The following ARAP2 variants were observed in gnomAD, a reference collection of about 807,000 sequenced individuals.
ARAP2 encodes ArfGAP with RhoGAP domain, ankyrin repeat and PH domain 2, also known as arf-GAP with Rho-GAP domain, ANK repeat and PH domain-containing protein 2.
In ARAP2, 148 loss-of-function variants were observed where a neutral mutation model predicts 194.5. The observed-to-expected ratio is 0.76, with a 90% CI of 0.67 to 0.87. The LOEUF is 0.87. ARAP2 is among the 40% of genes least tolerant of loss of function. The pLI is 0.00. For synonymous variants in ARAP2, 695 were observed against 683.5 expected (o/e 1.02, Z -0.26); for missense variants, 2,128 against 1,989.7 (o/e 1.07, Z -1.32).
intron 15 of ARAP2, among the ~76,000 whole-genome samples, chr4:36,155,113 A>C (rs1212403191): frequency 6.6e-6 from 1 of 152,224 alleles, no homozygotes; most frequent in Non-Finnish European, 1.5e-5. Context: ...CACTAGTAGT[A>C]ACTTCCCTAA....
intron 9 of ARAP2, among the ~76,000 whole-genome samples, chr4:36,012,254 C>T (rs1286236876): frequency 6.6e-6 from 1 of 152,124 alleles, no homozygotes; most frequent in South Asian, 2.1e-4. Context: ...GACTTTAAAA[C>T]ATTTTATTCT....
chr4:36,160,661 A>AAC lies in ARAP2; in HGVS notation c.2260-21_2260-20insGT. ...AAAAAGCTGAATTGTCAAAAAAAAA[A>AAC]CCCCATAATATATCAGTTCATAAAA... On this transcript the variant is annotated intron_variant, in intron 12 of 32. Coordinates refer to ENST00000303965, the MANE Select transcript of ARAP2 (RefSeq NM_015230.4). 6 of 1,431,134 alleles carry AAC rather than the reference A, an allele frequency of 4.2e-6. No homozygotes were observed. The highest frequency in any genetic ancestry group is 5.5e-6 in the Non-Finnish European group (6 of 1,094,646). 88.7% of individuals were successfully genotyped at this position (1,431,134 alleles called of 1,614,324 possible). A position where few individuals can be genotyped will look rare whatever the true frequency, so the allele number is the denominator to read the frequency against.
At chr4:36,017,927 T>A (rs1268343597) in intron 6 of ARAP2, among the ~76,000 whole-genome samples, 1 of 152,076 alleles carries the variant, frequency 6.6e-6, no homozygotes, top group African/African-American at 2.4e-5. Context: ...GAGGAAGAAA[T>A]AATAACAAAA....
chr4:36,240,599 C>G (rs150084166), intron 1 of ARAP2, among the ~76,000 whole-genome samples: 1 of 152,072 alleles, frequency 6.6e-6, no homozygotes, highest in Non-Finnish European at 1.5e-5. Flanking sequence ...GCCTACCTCA[C>G]GGGGATATTT....
At chr4:36,099,423 C>A (rs1476513133) in intron 27 of ARAP2, among the ~76,000 whole-genome samples, 1 of 152,026 alleles carries the variant, frequency 6.6e-6, no homozygotes, top group Non-Finnish European at 1.5e-5. Context: ...GACCTGACTA[C>A]AAGAAATCCA....
At chr4:36,223,984 T>C (rs578106254) in intron 2 of ARAP2, among the ~76,000 whole-genome samples, 2 of 151,944 alleles carry the variant, frequency 1.3e-5, no homozygotes, top group Non-Finnish European at 2.9e-5. Context: ...AGAACCTTAA[T>C]ATAAAAGAAG....
chr4:36,147,439 G>T, intron 18 of ARAP2, 80 bp from the exon 19 acceptor site: 2 of 1,565,704 alleles, frequency 1.3e-6, no homozygotes, highest in Non-Finnish European at 1.8e-6. Context: ...TATTAATACT[G>T]CTTAGTCATA....
rs139369384 is a variant in ARAP2, at chr4:36,101,900, C to T, written c.4285+5665G>A. 6.6e-5 allele frequency among the ~76,000 whole-genome samples: 10 copies of T among 151,996 alleles called. No individual in the cohort carries two copies. In the East Asian group the frequency reaches 1.9e-3, roughly 30 times the overall value. ...CACAATAACAATACGTGTCCAGGTG[C>T]CTTTCTTGGTTTCATGTATCATTTT... is the stretch of plus-strand genomic sequence containing the variant. On this transcript the variant is annotated intron_variant, in intron 27 of 32. Transcript: ENST00000303965.
intron 28 of ARAP2, among the ~76,000 whole-genome samples, chr4:36,085,062 CA>C (rs1253888163): frequency 6.6e-6 from 1 of 151,988 alleles, no homozygotes; most frequent in Non-Finnish European, 1.5e-5. Context: ...TAGCCATCGG[CA>C]GTTTTGATGC....
downstream of ARAP2, among the ~76,000 whole-genome samples, chr4:36,062,660 GTGTA>G (rs148809669): frequency 0.018 from 2,684 of 151,820 alleles, 32 homozygotes; most frequent in South Asian, 0.038. Flanking sequence ...GTGTGTGTGT[GTGTA>G]TAAAACAGTT....
At chr4:36,028,828 A>G (rs1008122591) in intron 5 of ARAP2, among the ~76,000 whole-genome samples, 4 of 151,588 alleles carry the variant, frequency 2.6e-5, no homozygotes, top group Admixed American at 2.0e-4. Flanking sequence ...TTTATTTACA[A>G]ATTTTATTTC....
intron 7 of ARAP2, among the ~76,000 whole-genome samples, chr4:36,189,702 TC>T (rs1486280907): frequency 6.6e-6 from 1 of 152,206 alleles, no homozygotes; most frequent in Non-Finnish European, 1.5e-5. Flanking sequence ...TAATATAATG[TC>T]CTCCAGCTCT....
intron 7 of ARAP2, among the ~76,000 whole-genome samples, chr4:36,191,580 A>G (rs950108273): frequency 1.3e-5 from 2 of 151,690 alleles, no homozygotes; most frequent in African/African-American, 2.4e-5. Context: ...GCTGATTTTT[A>G]TATTTGTCTT....
At chr4:36,177,386 A>G (rs1433276945) in intron 9 of ARAP2, among the ~76,000 whole-genome samples, 3 of 152,130 alleles carry the variant, frequency 2.0e-5, no homozygotes, top group Non-Finnish European at 2.9e-5. Context: ...CAGACCAATA[A>G]TATTCTGTAA....
At position 36,107,689 on chromosome 4, in the gene ARAP2, A is replaced by C. The variant is rs970898270; in HGVS notation, c.4161T>G (p.Arg1387=). 7 of 1,591,892 alleles carry C rather than the reference A, an allele frequency of 4.4e-6. No homozygotes were observed. In the Admixed American group the frequency reaches 7.2e-5, roughly 16 times the overall value. ...FEVIENEELE[R]PLHYKENVLE... is the part of the protein sequence containing the mutation. ...GTACATTTTCCTTGTAGTGAAGAGG[A>C]CGCTCTGTAAAAAATAAATTCCAAA... The change falls in exon 27 of 33, where the codon CGT becomes CGG. Residue 1387 remains arginine (R), a synonymous_variant. Coordinates refer to ENST00000303965, the MANE Select transcript of ARAP2 (RefSeq NM_015230.4).
At chr4:36,135,330 TCTTTC>T (rs1225867313) in intron 19 of ARAP2, among the ~76,000 whole-genome samples, 1 of 151,788 alleles carries the variant, frequency 6.6e-6, no homozygotes, top group Admixed American at 6.6e-5. Context: ...AAACTTCCTT[TCTTTC>T]CTTTGTTTTC....
intron 5 of ARAP2, among the ~76,000 whole-genome samples, chr4:36,028,468 A>G (rs1718318202): frequency 1.3e-5 from 2 of 151,910 alleles, no homozygotes. Context: ...GCTTTCACAT[A>G]TATTTGTATG....
chr4:36,015,671 G>C (rs1013393078), intron 7 of ARAP2: 1 of 152,210 alleles, frequency 6.6e-6, no homozygotes. Flanking sequence ...GGAACTCACA[G>C]AATGTGATTT....
intron 31 of ARAP2, among the ~76,000 whole-genome samples, chr4:36,079,159 G>A (rs924152394): frequency 6.5e-5 from 7 of 107,290 alleles, no homozygotes; most frequent in East Asian, 6.2e-4. Flanking sequence ...GGGCAACAGA[G>A]CAAGACTCTG....
Sources: allele counts gnomAD v4.1 joint callset (sites outside exome capture counted in the v4.1 genomes callset), GRCh38; gene constraint gnomAD v4.1.1; transcripts MANE v1.5; gene names NCBI Gene and HGNC (gene_info 2026-07-23, HGNC 2026-07-21).